The following RASSF6 variants were observed in gnomAD, a reference collection of about 807,000 sequenced individuals.
RASSF6 encodes Ras association domain family member 6, also known as ras association domain-containing protein 6.
In RASSF6, 52 loss-of-function variants were observed where a neutral mutation model predicts 44.0. The ratio of observed to expected loss-of-function variants is 1.18; its 90% CI spans 0.95 to 1.49. The LOEUF is 1.49. Among genes scored for constraint, RASSF6 ranks in the 40% most tolerant of loss-of-function variants. The probability of loss-of-function intolerance (pLI) is 0.00; values close to 1 mark genes in which losing one functional copy is unlikely to be tolerated. For synonymous variants in RASSF6, 162 were observed against 124.6 expected (o/e 1.30, Z -2.00); for missense variants, 464 against 393.3 (o/e 1.18, Z -1.52).
chr4:73,610,911 G>T (rs1330060741), intron 2 of RASSF6, among the ~76,000 whole-genome samples: 1 of 152,156 alleles, frequency 6.6e-6, no homozygotes, highest in Admixed American at 6.5e-5. Context: ...AGTGTTTGAG[G>T]AATAAGTCAG....
rs1723110360 is a variant in RASSF6, at chr4:73,574,800, CTT to C, written c.*1433_*1434del. 3 of 151,822 alleles carry C rather than the reference CTT, an allele frequency of 2.0e-5. No homozygotes were observed. In the South Asian group the frequency reaches 6.2e-4, roughly 32 times the overall value. The allele number at this position is 151,822 out of a possible 1,614,324, so 9.4% of individuals were successfully genotyped here. On this transcript the variant is annotated 3_prime_UTR_variant, in exon 11 of 11. Coordinates refer to ENST00000307439, the MANE Select transcript of RASSF6 (RefSeq NM_177532.5). ...TTTCTATGTAAGACTTGGTTCTTCT[CTT>C]ATACATTTCAGTCTATTGAAGACTA... is the stretch of plus-strand genomic sequence containing the variant.
At chr4:73,588,075 G>C in intron 4 of RASSF6, 141 bp from the exon 5 acceptor site, 1 of 477,806 alleles carries the variant, frequency 2.1e-6, no homozygotes, top group Non-Finnish European at 3.8e-6. Flanking sequence ...ACAATTTTAT[G>C]ATATTATTAA....
intron 8 of RASSF6, among the ~76,000 whole-genome samples, chr4:73,580,487 A>C (rs1264454622): frequency 1.1e-4 from 17 of 151,242 alleles, no homozygotes; most frequent in Admixed American, 2.6e-4. Context: ...ACAGTCCCAC[A>C]AACAGTGTAA....
Position 73,573,666 on chromosome 4 carries a change from T to C in RASSF6, c.*2569A>G, listed in dbSNP as rs548112557. ...AGAAGTTTGAGTCCCCATCTCATGG[T>C]GATTTATTGAGTATTTAATGTTATC... On this transcript the variant is annotated 3_prime_UTR_variant, in exon 11 of 11. Transcript: ENST00000307439. The C allele has an allele frequency of 2.6e-5, 4 of 152,330 alleles. No homozygotes were observed. In the East Asian group the frequency reaches 7.7e-4, roughly 29 times the overall value. The allele number at this position is 152,330 out of a possible 1,614,324, so 9.4% of individuals were successfully genotyped here. A position where few individuals can be genotyped will look rare whatever the true frequency, so the allele number is the denominator to read the frequency against.
At chr4:73,578,029 T>TTTTCTTTATTTCTGGTCTCTAAAGG (rs148066158) in intron 8 of RASSF6, among the ~76,000 whole-genome samples, 4 of 151,906 alleles carry the variant, frequency 2.6e-5, no homozygotes, top group Admixed American at 6.6e-5. Context: ...TGCTCTCTTC[T>TTTTCTTTATTTCTGGTCTCTAAAGG]GACCTAGTTA....
chr4:73,588,811 T>TCATCACCAG (rs1489437714), intron 4 of RASSF6, among the ~76,000 whole-genome samples: 3 of 151,570 alleles, frequency 2.0e-5, no homozygotes, highest in Non-Finnish European at 2.9e-5. Flanking sequence ...ATCATCATCA[T>TCATCACCAG]CATCATCACC....
At chr4:73,608,353 G>A (rs1169527021) in intron 2 of RASSF6, among the ~76,000 whole-genome samples, 1 of 151,922 alleles carries the variant, frequency 6.6e-6, no homozygotes, top group Non-Finnish European at 1.5e-5. Context: ...AGATTATTAA[G>A]TCATATTGAT....
chr4:73,591,096 A>G, intron 4 of RASSF6, among the ~76,000 whole-genome samples: 1 of 152,220 alleles, frequency 6.6e-6, no homozygotes, highest in East Asian at 1.9e-4. Context: ...TAATAATAAT[A>G]TATTGCATAC....
chr4:73,604,029 T>A (rs1283435319), intron 2 of RASSF6: 1 of 152,210 alleles, frequency 6.6e-6, no homozygotes, highest in Non-Finnish European at 1.5e-5. Flanking sequence ...CTTGAAAGAC[T>A]TCCGTGTGAT....
intron 8 of RASSF6, 64 bp from the exon 9 acceptor site, chr4:73,576,795 A>G: frequency 4.9e-6 from 5 of 1,013,140 alleles, no homozygotes; most frequent in African/African-American, 1.6e-5. Context: ...AAGGAAGATA[A>G]TTTTCCAATT....
At chr4:73,612,506 A>G (rs1286779545) in intron 1 of RASSF6, among the ~76,000 whole-genome samples, 2 of 123,770 alleles carry the variant, frequency 1.6e-5, no homozygotes, top group African/African-American at 6.1e-5. Flanking sequence ...AAAAAAAAAA[A>G]CGTTGTGTAT....
At chr4:73,596,902 G>A (rs192004493) in intron 3 of RASSF6, among the ~76,000 whole-genome samples, 150 of 152,238 alleles carry the variant, frequency 9.9e-4, no homozygotes, top group African/African-American at 3.1e-3. Flanking sequence ...AATGGTGCTC[G>A]GATAACTGGC....
At chr4:73,606,053 C>T (rs893097156) in intron 2 of RASSF6, among the ~76,000 whole-genome samples, 2 of 152,224 alleles carry the variant, frequency 1.3e-5, no homozygotes, top group Non-Finnish European at 2.9e-5. Context: ...ACCCAACAAT[C>T]CCTTTACTGG....
intron 1 of RASSF6, among the ~76,000 whole-genome samples, chr4:73,615,256 A>G (rs187073768): frequency 1.6e-4 from 25 of 152,146 alleles, no homozygotes; most frequent in East Asian, 1.2e-3. Flanking sequence ...ATGAATTCAA[A>G]TAGTTTTTCA....
At chr4:73,614,292 T>A (rs1243122587) in intron 1 of RASSF6, among the ~76,000 whole-genome samples, 1 of 152,252 alleles carries the variant, frequency 6.6e-6, no homozygotes, top group Non-Finnish European at 1.5e-5. Flanking sequence ...GTGGTCTGAA[T>A]GTTTGTGTCC....
intron 4 of RASSF6, among the ~76,000 whole-genome samples, chr4:73,591,828 TGTGCCA>T (rs1167372261): frequency 2.0e-5 from 3 of 152,200 alleles, no homozygotes; most frequent in Admixed American, 2.0e-4. Context: ...ATCTCCTCTT[TGTGCCA>T]GGCACACAGT....
At chr4:73,588,452 G>C (rs1724274364) in intron 4 of RASSF6, among the ~76,000 whole-genome samples, 1 of 152,044 alleles carries the variant, frequency 6.6e-6, no homozygotes, top group East Asian at 1.9e-4. Context: ...GAAAATGTAT[G>C]AGAATTTTGC....
At chr4:73,581,391 C>G (rs553458451) in intron 8 of RASSF6, among the ~76,000 whole-genome samples, 4 of 152,180 alleles carry the variant, frequency 2.6e-5, no homozygotes, top group Admixed American at 2.0e-4. Context: ...ATAGCACTCC[C>G]GCAATGTGTC....
intron 5 of RASSF6, among the ~76,000 whole-genome samples, chr4:73,587,569 C>A (rs1313958143): frequency 6.6e-6 from 1 of 151,908 alleles, no homozygotes; most frequent in Non-Finnish European, 1.5e-5. Context: ...AAACTATTAG[C>A]TCTCCCTATT....
Sources: gnomAD v4.1 joint callset for allele counts (sites outside exome capture counted in the v4.1 genomes callset) on GRCh38, gnomAD v4.1.1 for gene constraint, MANE v1.5 for transcripts, NCBI Gene and HGNC (gene_info 2026-07-23, HGNC 2026-07-21) for gene names.